MTERF4: variants seen among roughly 807,000 people sequenced by gnomAD.
MTERF4 encodes mitochondrial transcription termination factor 4.
MTERF4 carries 17 observed loss-of-function variants against 22.5 expected under a neutral mutation model. The ratio of observed to expected loss-of-function variants is 0.75; its 90% CI spans 0.52 to 1.13. MTERF4 has a LOEUF of 1.13. Ranked by LOEUF, MTERF4 falls within the 50% of genes most tolerant of loss-of-function variation. MTERF4 has a pLI of 0.00. For missense variants in MTERF4, 420 were observed against 466.8 expected (o/e 0.90, Z 0.92); for synonymous variants, 165 against 175.3 (o/e 0.94, Z 0.47).
At chr2:241,102,134 A>T in intron 1 of MTERF4, 119 bp downstream of exon 1, 1 of 1,402,200 alleles carries the variant, frequency 7.1e-7, no homozygotes, top group Non-Finnish European at 9.8e-7. Context: ...GTCAGCGTGC[A>T]CGGACCTCCG....
rs372110125 is a variant in MTERF4, at chr2:241,099,437, C to A, written c.479G>T (p.Arg160Met). Residue 160 changes from arginine to methionine, a missense_variant, in exon 2 of 4, where the codon AGG becomes ATG. Coordinates refer to ENST00000391980, the MANE Select transcript of MTERF4 (RefSeq NM_182501.4). ...QLLKLPIMQMRKRSSYLQKLG... is the reference protein window; with the variant it reads ...QLLKLPIMQMMKRSSYLQKLG... ...CTTTTGCAGGTAACTGGAGCGCTTC[C>A]TCATTTGCATAATAGGCAGTTTCAA... The A allele has an allele frequency of 1.8e-5, 29 of 1,614,108 alleles. No homozygotes were observed. The African/African-American group carries it at 3.3e-4, about 19-fold the overall frequency.
At chr2:241,057,412 T>TATATATATATATATATATGC in the MTERF4 span, among the ~76,000 whole-genome samples, 5 of 129,374 alleles carry the variant, frequency 3.9e-5, no homozygotes, top group African/African-American at 1.5e-4. Flanking sequence ...TATATATATA[T>TATATATATATATATATATGC]GCCATACGCA....
At chr2:241,067,829 G>A (rs770541043), downstream of MTERF4, 1 of 1,613,446 alleles carries the variant, frequency 6.2e-7, no homozygotes, top group Non-Finnish European at 8.5e-7. Context: ...AGTGCAGTGG[G>A]CCCTGCACAG....
intron 4 of MTERF4, among the ~76,000 whole-genome samples, chr2:241,078,981 GCA>G: frequency 6.6e-6 from 1 of 151,866 alleles, no homozygotes; most frequent in East Asian, 1.9e-4. Context: ...AGGCATGGTG[GCA>G]CACGCCTATA....
the MTERF4 span, among the ~76,000 whole-genome samples, chr2:241,057,416 A>G: frequency 8.7e-6 from 1 of 114,526 alleles, no homozygotes. Context: ...TATATATGCC[A>G]TACGCAGTGG....
chr2:241,062,783 C>T, the MTERF4 span: 3 of 1,596,836 alleles, frequency 1.9e-6, no homozygotes, highest in African/African-American at 4.0e-5. Flanking sequence ...TGGGCTCTCT[C>T]CTCTCAGAAA....
chr2:241,088,449 G>A, downstream of MTERF4: 2 of 1,526,716 alleles, frequency 1.3e-6, no homozygotes, highest in Non-Finnish European at 1.8e-6. Context: ...CTGCTGGGAA[G>A]TGGGGGGCGA....
chr2:241,093,197 T>C (rs2064153266), downstream of MTERF4: 1 of 152,644 alleles, frequency 6.6e-6, no homozygotes, highest in Non-Finnish European at 1.5e-5. Flanking sequence ...TGGAGCTCAA[T>C]GAAGGGTCTC....
At chr2:241,071,960 T>C (rs1182418823), downstream of MTERF4, 4 of 1,152,526 alleles carry the variant, frequency 3.5e-6, no homozygotes, top group East Asian at 1.0e-4. Context: ...GTCCCCTACA[T>C]GATGAGCCCA....
the MTERF4 span, among the ~76,000 whole-genome samples, chr2:241,043,038 A>G: frequency 2.0e-5 from 3 of 151,468 alleles, no homozygotes; most frequent in Non-Finnish European, 2.9e-5. Flanking sequence ...ATGGAGAACA[A>G]TATTAAGCAG....
rs556901235 is a variant in MTERF4 at position 241,102,268 on chromosome 2, A to G, written c.6T>C (p.Ala2=). 1.9e-6 allele frequency: 3 copies of G among 1,549,580 alleles called. No individual in the cohort carries two copies. The highest frequency in any genetic ancestry group is 1.2e-5 in the South Asian group (1 of 84,056). Residue 2 remains alanine, a synonymous_variant, in exon 1 of 4, where the codon GCT becomes GCC. Transcript: ENST00000391980. M[A]AFGRQVLDWH... Reference sequence around the variant, plus strand: ...TCGAGCTTACCTGACGGCCGAACGCAGCCATAGCGCGGAGAAGATGGCAGC... The same window carrying G: ...TCGAGCTTACCTGACGGCCGAACGCGGCCATAGCGCGGAGAAGATGGCAGC...
rs2064410943 is a variant in MTERF4, at chr2:241,096,186, G to T, written c.958C>A (p.Leu320Met). The change falls in exon 4 of 4, where the codon CTG (leucine) becomes ATG (methionine). Residue 320 changes from leucine to methionine, a missense_variant. By Grantham distance (15) the Leu-to-Met change is conservative. Coordinates refer to ENST00000391980, the MANE Select transcript of MTERF4 (RefSeq NM_182501.4). The surrounding 1 kb of genome is among the most constrained non-coding windows in gnomAD (Gnocchi z 5.1). ...TCAGACTCCTCCTCCTCCCGAGCCA[G>T]GAGCTTCTTAAAAACTTGAAACTCC... ...VEEFQVFKKL[L>M]AREEEESESS... 1 of 1,614,040 alleles carries T rather than the reference G, an allele frequency of 6.2e-7. No individual in the cohort carries two copies. Among genetic ancestry groups the T allele is most frequent in the African/African-American group, 1.3e-5 (1 of 74,906 alleles).
At chr2:241,067,340 C>T (rs893057465), downstream of MTERF4, among the ~76,000 whole-genome samples, 10 of 152,220 alleles carry the variant, frequency 6.6e-5, no homozygotes, top group African/African-American at 2.4e-4. Context: ...TTCTGTATGT[C>T]TGTCCTCCTA....
Position 241,073,221 on chromosome 2 carries a change from G to A in MTERF4, n.2941C>T, listed in dbSNP as rs768028858. On this transcript the variant is annotated non_coding_transcript_exon_variant, in exon 5 of 5. Coordinates refer to the MTERF4 transcript ENST00000464344. The surrounding 1 kb of genome is among the most constrained non-coding windows in gnomAD (Gnocchi z 6.6). ...AAGGGTGGCCCCAGGACCATCCCGG[G>A]TGCAAAGCAGCTGCGCCGTGTGGTC... The A allele has an allele frequency of 2.8e-6, 4 of 1,440,178 alleles. No individual in the cohort carries two copies. The highest frequency in any genetic ancestry group is 1.9e-6 in the Non-Finnish European group (2 of 1,048,136). The allele number at this position is 1,440,178 out of a possible 1,614,324, so 89.2% of individuals were successfully genotyped here. A position where few individuals can be genotyped will look rare whatever the true frequency, so the allele number is the denominator to read the frequency against.
chr2:241,084,107 G>A (rs939890954), downstream of MTERF4, among the ~76,000 whole-genome samples: 1 of 149,718 alleles, frequency 6.7e-6, no homozygotes, highest in South Asian at 2.1e-4. Context: ...ACTATTGTAC[G>A]AGTTCAATAT....
At chr2:241,071,611 G>A (rs1433008764), downstream of MTERF4, 1 of 1,588,072 alleles carries the variant, frequency 6.3e-7, no homozygotes, top group Non-Finnish European at 8.5e-7. Context: ...CTGGCACCAG[G>A]GAGGACACCA....
chr2:241,085,046 T>C (rs2063513353), downstream of MTERF4, among the ~76,000 whole-genome samples: 1 of 152,212 alleles, frequency 6.6e-6, no homozygotes, highest in South Asian at 2.1e-4. Context: ...CCTTTTATGT[T>C]TTCCCTTTAT....
chr2:241,090,255 C>T, downstream of MTERF4: 1 of 1,515,272 alleles, frequency 6.6e-7, no homozygotes, highest in Non-Finnish European at 8.9e-7. Flanking sequence ...AAGACACAAA[C>T]ACACACATTG....
exon 5 of MTERF4, chr2:241,072,696 C>A (rs2062793193): frequency 5.1e-6 from 1 of 196,256 alleles, no homozygotes; most frequent in Admixed American, 5.3e-5. Flanking sequence ...GAGGAGAGGG[C>A]AGGCAGCTGC....
Sources: gnomAD v4.1 joint callset for allele counts (sites outside exome capture counted in the v4.1 genomes callset) on GRCh38, gnomAD v4.1.1 for gene constraint, Gnocchi (gnomAD v3.1) non-coding constraint, MANE v1.5 for transcripts, NCBI Gene and HGNC (gene_info 2026-07-23, HGNC 2026-07-21) for gene names.